EPHA6: variants seen among roughly 807,000 people sequenced by gnomAD.
EPHA6 encodes ephrin type-A receptor 6.
In EPHA6, 50 loss-of-function variants were observed where a neutral mutation model predicts 112.0. That is an observed-to-expected ratio of 0.45 (90% CI 0.36 to 0.56). EPHA6 has a LOEUF of 0.56. Among genes scored for constraint, EPHA6 ranks in the 20% least tolerant of loss-of-function variants. EPHA6 has a pLI of 0.00. For synonymous variants in EPHA6, 529 were observed against 490.7 expected (o/e 1.08, Z -1.03); for missense variants, 1,280 against 1,417.4 (o/e 0.90, Z 1.56).
intron 3 of EPHA6, among the ~76,000 whole-genome samples, chr3:97,133,142 A>T (rs1287567667): frequency 6.6e-6 from 1 of 152,064 alleles, no homozygotes; most frequent in East Asian, 1.9e-4. Flanking sequence ...GTAGACGTAG[A>T]TCATAGGCAC....
chr3:96,927,403 C>G (rs2040095034), intron 2 of EPHA6, among the ~76,000 whole-genome samples: 1 of 152,202 alleles, frequency 6.6e-6, no homozygotes, highest in Non-Finnish European at 1.5e-5. Flanking sequence ...GTTACTTATG[C>G]ACATTTCTGC....
chr3:96,973,824 CAA>C (rs374520473), intron 2 of EPHA6, among the ~76,000 whole-genome samples: 1 of 52,730 alleles, frequency 1.9e-5, no homozygotes, highest in Non-Finnish European at 3.8e-5. Context: ...GACTCCATAT[CAA>C]AAAAAAAAAA....
At chr3:97,265,847 C>T (rs529229576) in intron 5 of EPHA6, among the ~76,000 whole-genome samples, 3 of 152,330 alleles carry the variant, frequency 2.0e-5, no homozygotes, top group South Asian at 4.1e-4. Flanking sequence ...CTGCTGCTAT[C>T]GGGGTAGCCC....
chr3:96,826,376 T>C (rs750904663), intron 1 of EPHA6, among the ~76,000 whole-genome samples: 24 of 152,036 alleles, frequency 1.6e-4, no homozygotes, highest in Non-Finnish European at 3.1e-4. Context: ...ATCTCTAGCT[T>C]GGGTGGAAAT....
intron 1 of EPHA6, among the ~76,000 whole-genome samples, chr3:96,823,798 G>C (rs1219887682): frequency 1.3e-5 from 2 of 151,724 alleles, no homozygotes; most frequent in African/African-American, 4.8e-5. Flanking sequence ...TGTCACCTAG[G>C]CTATTTCATG....
At chr3:97,037,086 T>C (rs1405189248) in intron 3 of EPHA6, among the ~76,000 whole-genome samples, 1 of 152,086 alleles carries the variant, frequency 6.6e-6, no homozygotes, top group Non-Finnish European at 1.5e-5. Context: ...TTAAAAGGTG[T>C]ATTTGAACAA....
chr3:97,562,474 G>T (rs1226163629), intron 11 of EPHA6, among the ~76,000 whole-genome samples: 1 of 152,174 alleles, frequency 6.6e-6, no homozygotes, highest in East Asian at 1.9e-4. Flanking sequence ...AGAATTAGAA[G>T]TGGAGCCTGA....
Position 96,814,826 on chromosome 3 carries a change from A to AC in EPHA6, c.208dup (p.His70ProfsTer23). 1 of 1,584,628 alleles carries AC rather than the reference A, an allele frequency of 6.3e-7. No homozygotes were observed. The highest frequency in any genetic ancestry group is 8.6e-7 in the Non-Finnish European group (1 of 1,165,194). On this transcript the variant is annotated frameshift_variant, in exon 1 of 18. Transcript: ENST00000389672. LOFTEE classifies it high-confidence loss of function. ...GAGGAGGAAGAAGACGTGGACAAGG[A>AC]CCCCCATCCTACCCAGAACACCTGC...
In EPHA6 at chr3:97,448,618, C is replaced by G; in HGVS notation, c.1782C>G (p.Val594=). The change falls in exon 7 of 18, where the codon GTC becomes GTG. Residue 594 remains valine, a synonymous_variant. Transcript: ENST00000389672. Reference sequence around the variant, plus strand: ...CCACAAGGTCCAAAGCCCCCAGTGTCATCATCACAGGTCTTAAGCCAGCCA... The same window carrying G: ...CCACAAGGTCCAAAGCCCCCAGTGTGATCATCACAGGTCTTAAGCCAGCCA... The part of the protein sequence containing the change: ...YSSTRSKAPS[V]IITGLKPATK... 6.2e-7 allele frequency: 1 copy of G among 1,613,550 alleles called. No homozygotes were observed. Among genetic ancestry groups the G allele is most frequent in the Non-Finnish European group, 8.5e-7 (1 of 1,179,598 alleles).
chr3:97,703,210 G>T (rs1197466692), intron 14 of EPHA6, among the ~76,000 whole-genome samples: 1 of 152,252 alleles, frequency 6.6e-6, no homozygotes, highest in Admixed American at 6.5e-5. Flanking sequence ...GGGCCAAACG[G>T]TTCTGGTTGT....
At chr3:97,280,336 C>A (rs1177297250) in intron 5 of EPHA6, among the ~76,000 whole-genome samples, 1 of 152,192 alleles carries the variant, frequency 6.6e-6, no homozygotes, top group African/African-American at 2.4e-5. Context: ...AAATTAATTT[C>A]ATACAACAGT....
chr3:97,487,090 C>T (rs1343604770), intron 10 of EPHA6, among the ~76,000 whole-genome samples: 1 of 151,998 alleles, frequency 6.6e-6, no homozygotes, highest in African/African-American at 2.4e-5. Flanking sequence ...TGAGAGAGGC[C>T]AGATATCAGG....
chr3:96,991,363 T>C (rs2043209889), intron 3 of EPHA6, among the ~76,000 whole-genome samples: 1 of 152,192 alleles, frequency 6.6e-6, no homozygotes, highest in African/African-American at 2.4e-5. Context: ...CCATCACTTA[T>C]GTAGCTGAAT....
intron 3 of EPHA6, among the ~76,000 whole-genome samples, chr3:97,143,441 C>T (rs1029965621): frequency 2.0e-5 from 3 of 151,770 alleles, no homozygotes; most frequent in Non-Finnish European, 3.0e-5. Context: ...TTTTTAGATA[C>T]TGCCTAAAGT....
intron 6 of EPHA6, among the ~76,000 whole-genome samples, chr3:97,406,658 G>T (rs2087366851): frequency 6.6e-6 from 1 of 152,094 alleles, no homozygotes; most frequent in Non-Finnish European, 1.5e-5. Flanking sequence ...TAACTTAGTA[G>T]CATAGCTGTA....
chr3:97,406,474 C>T (rs1047696572), intron 6 of EPHA6, among the ~76,000 whole-genome samples: 2 of 152,068 alleles, frequency 1.3e-5, no homozygotes, highest in African/African-American at 2.4e-5. Flanking sequence ...ACACCAATCC[C>T]GCAAATGAAG....
chr3:97,456,920 A>G (rs1198052952), intron 7 of EPHA6, among the ~76,000 whole-genome samples: 1 of 152,218 alleles, frequency 6.6e-6, no homozygotes, highest in Non-Finnish European at 1.5e-5. Flanking sequence ...TGAAAAATAT[A>G]TTCTCTATGT....
At chr3:97,130,392 G>T (rs750165821) in intron 3 of EPHA6, among the ~76,000 whole-genome samples, 2 of 148,328 alleles carry the variant, frequency 1.3e-5, no homozygotes, top group East Asian at 3.9e-4. Flanking sequence ...ATTGTAAATT[G>T]GTTTGGTCAT....
intron 7 of EPHA6, among the ~76,000 whole-genome samples, chr3:97,459,494 A>T (rs1277264377): frequency 6.6e-6 from 1 of 152,152 alleles, no homozygotes; most frequent in Non-Finnish European, 1.5e-5. Flanking sequence ...GAAACACAAG[A>T]TATGTGGCTA....
Sources: allele counts gnomAD v4.1 joint callset (sites outside exome capture counted in the v4.1 genomes callset), GRCh38; gene constraint gnomAD v4.1.1; transcripts MANE v1.5; gene names NCBI Gene and HGNC (gene_info 2026-07-23, HGNC 2026-07-21).